Variants in RSPO2 observed in about 807,000 individuals in gnomAD.
RSPO2 encodes R-spondin-2.
A neutral mutation model predicts 30.9 loss-of-function variants in RSPO2; 14 were observed. That is an observed-to-expected ratio of 0.45 (90% CI 0.30 to 0.71). The LOEUF is 0.71. Ranked by LOEUF, RSPO2 falls within the 30% of genes least tolerant of loss-of-function variation. RSPO2 has a pLI of 0.08. For synonymous variants in RSPO2, 107 were observed against 96.4 expected (o/e 1.11, Z -0.64); for missense variants, 264 against 301.9 (o/e 0.87, Z 0.93).
chr8:108,042,624 G>A (rs118085039), intron 2 of RSPO2, among the ~76,000 whole-genome samples: 1 of 152,284 alleles, frequency 6.6e-6, no homozygotes, highest in Non-Finnish European at 1.5e-5. Flanking sequence ...ATAGCTGACA[G>A]CTAGGGAACC....
intron 2 of RSPO2, among the ~76,000 whole-genome samples, chr8:108,003,263 G>T (rs1326926622): frequency 3.7e-4 from 33 of 88,738 alleles, no homozygotes; most frequent in Middle Eastern, 0.01. Flanking sequence ...GTGTGTGTGT[G>T]TGTGTGTGTG....
chr8:107,919,028 A>C (rs1191384786), intron 5 of RSPO2, among the ~76,000 whole-genome samples: 1 of 152,048 alleles, frequency 6.6e-6, no homozygotes. Context: ...TCGGTATTAA[A>C]ACTATAGATA....
chr8:107,994,987 A>G (rs868306595), intron 2 of RSPO2, among the ~76,000 whole-genome samples: 3 of 152,084 alleles, frequency 2.0e-5, no homozygotes, highest in Admixed American at 6.6e-5. Flanking sequence ...CTTCTTCCCC[A>G]AAGCTTCCCA....
At chr8:107,947,619 G>C (rs1488819406) in intron 5 of RSPO2, among the ~76,000 whole-genome samples, 1 of 152,140 alleles carries the variant, frequency 6.6e-6, no homozygotes, top group African/African-American at 2.4e-5. Flanking sequence ...TCTCTCATCA[G>C]ACTCAGACTC....
rs760755130 is a variant in RSPO2 at position 107,989,201 on chromosome 8, A to C, written c.138T>G (p.Cys46Trp). ...ATCGGCTACACCCATTGTCCTTTGAACAAGACAAACAACCCTTGCAAATGG... is the reference window on the plus strand; with the variant it reads ...ATCGGCTACACCCATTGTCCTTTGACCAAGACAAACAACCCTTGCAAATGG... Reference protein sequence around the residue: ...SNPICKGCLSCSKDNGCSRCQ... With the variant: ...SNPICKGCLSWSKDNGCSRCQ... The change falls in exon 3 of 6, where the codon TGT becomes TGG. Residue 46 changes from cysteine (C) to tryptophan (W), a missense_variant. Cys to Trp is a radical substitution (Grantham distance 215). Transcript: ENST00000276659. 1 of 1,594,080 alleles carries C rather than the reference A, an allele frequency of 6.3e-7. No homozygotes were observed. The highest frequency in any genetic ancestry group is 8.5e-7 in the Non-Finnish European group (1 of 1,174,360).
intron 2 of RSPO2, among the ~76,000 whole-genome samples, chr8:108,042,019 C>T (rs796487809): frequency 3.0e-4 from 46 of 152,170 alleles, no homozygotes; most frequent in Admixed American, 9.2e-4. Context: ...GTAGTTACAA[C>T]AAGGCCAAAG....
intron 3 of RSPO2, among the ~76,000 whole-genome samples, chr8:107,988,605 T>C (rs6985364): frequency 0.64 from 96,859 of 152,032 alleles, 32,748 homozygotes; most frequent in African/African-American, 0.88. Context: ...TATCCTACCA[T>C]ACTCATTTTT....
chr8:107,995,485 A>C lies in RSPO2; in HGVS notation c.95-6241T>G, dbSNP rs759974773. On this transcript the variant is annotated intron_variant, in intron 2 of 5. Coordinates refer to ENST00000276659, the MANE Select transcript of RSPO2 (RefSeq NM_178565.5). ...TCAGCTAAGTTGTTAGCATCTTTCC[A>C]TAACAATGAACCAAACCAATGTCAC... 2.0e-5 allele frequency among the ~76,000 whole-genome samples: 3 copies of C among 152,144 alleles called. No individual in the cohort carries two copies. In the South Asian group the frequency reaches 6.2e-4, roughly 31 times the overall value.
intron 3 of RSPO2, among the ~76,000 whole-genome samples, chr8:107,973,859 G>T (rs911626311): frequency 3.3e-5 from 5 of 151,972 alleles, no homozygotes; most frequent in South Asian, 2.1e-4. Context: ...TTTGGAAAAA[G>T]CATAAGCCGC....
intron 5 of RSPO2, among the ~76,000 whole-genome samples, chr8:107,902,576 T>G (rs1401540727): frequency 1.3e-5 from 2 of 151,724 alleles, no homozygotes; most frequent in African/African-American, 2.4e-5. Context: ...GAAACCAGAG[T>G]CATACAAGGT....
chr8:107,908,854 T>C (rs1811734604), intron 5 of RSPO2, among the ~76,000 whole-genome samples: 2 of 152,228 alleles, frequency 1.3e-5, no homozygotes, highest in African/African-American at 2.4e-5. Context: ...GTTGTCACTT[T>C]CTTATGGGAA....
Position 108,014,924 on chromosome 8 carries a change from C to T in RSPO2, c.95-25680G>A, listed in dbSNP as rs969929063. On this transcript the variant is annotated intron_variant, in intron 2 of 5. Transcript: ENST00000276659. ...GAGCATTCGGGGGGAAAAAAGAACA[C>T]TGCAGAAAAGCATGCAAATGTGAAA... 4.0e-5 allele frequency among the ~76,000 whole-genome samples: 6 copies of T among 150,688 alleles called. No individual in the cohort carries two copies. In the South Asian group the frequency reaches 6.3e-4, roughly 16 times the overall value.
At chr8:108,055,619 G>A (rs1213462415) in intron 2 of RSPO2, among the ~76,000 whole-genome samples, 2 of 152,080 alleles carry the variant, frequency 1.3e-5, no homozygotes, top group Non-Finnish European at 1.5e-5. Context: ...AAAAATAATG[G>A]GTGTTGAGGA....
intron 3 of RSPO2, among the ~76,000 whole-genome samples, chr8:107,986,138 A>G (rs964956422): frequency 6.6e-6 from 1 of 152,188 alleles, no homozygotes; most frequent in African/African-American, 2.4e-5. Flanking sequence ...AGCTTTTCCA[A>G]TTTAAATCTT....
intron 3 of RSPO2, among the ~76,000 whole-genome samples, chr8:107,979,113 G>A (rs1293165580): frequency 6.6e-6 from 1 of 152,204 alleles, no homozygotes; most frequent in East Asian, 1.9e-4. Context: ...CATTGTGGAA[G>A]TCAGTGTGGT....
At chr8:107,907,206 A>C (rs1811675855) in intron 5 of RSPO2, among the ~76,000 whole-genome samples, 1 of 151,974 alleles carries the variant, frequency 6.6e-6, no homozygotes, top group African/African-American at 2.4e-5. Context: ...GGAAAGAGTA[A>C]AGGAAATGAA....
chr8:107,960,427 A>T (rs1198110761), intron 4 of RSPO2, among the ~76,000 whole-genome samples: 2 of 151,382 alleles, frequency 1.3e-5, no homozygotes, highest in Non-Finnish European at 2.9e-5. Flanking sequence ...ACGGATGATT[A>T]AAAAAAAACC....
At chr8:107,906,707 A>G (rs1373148426) in intron 5 of RSPO2, among the ~76,000 whole-genome samples, 1 of 152,000 alleles carries the variant, frequency 6.6e-6, no homozygotes, top group Non-Finnish European at 1.5e-5. Context: ...CAGGACTGGG[A>G]TCTACCACAC....
chr8:107,977,483 T>C (rs1814257173), intron 3 of RSPO2, among the ~76,000 whole-genome samples: 1 of 152,154 alleles, frequency 6.6e-6, no homozygotes, highest in South Asian at 2.1e-4. Context: ...GCAGTATGTG[T>C]CAACAATGAA....
Sources: allele counts gnomAD v4.1 joint callset (sites outside exome capture counted in the v4.1 genomes callset), GRCh38; gene constraint gnomAD v4.1.1; transcripts MANE v1.5; gene names NCBI Gene and HGNC (gene_info 2026-07-23, HGNC 2026-07-21).